MMP1: variants seen among roughly 807,000 people sequenced by gnomAD.
MMP1 encodes interstitial collagenase.
Under a neutral mutation model 49.6 loss-of-function variants are expected in MMP1, and 51 were observed. That is an observed-to-expected ratio of 1.03 (90% confidence interval 0.82 to 1.30). MMP1 has a LOEUF of 1.30. MMP1 is among the 50% of genes most tolerant of loss of function. The pLI is 0.00. For missense variants in MMP1, 623 were observed against 568.7 expected (o/e 1.10, Z -0.97); for synonymous variants, 230 against 196.8 (o/e 1.17, Z -1.41).
At position 102,791,597 on chromosome 11, in the gene MMP1, C is replaced by T. The variant is rs534230569; in HGVS notation, c.1034-102G>A. ...TAGTTTCACATGCTAGTGCAGTACC[C>T]TGGCTGCAGATTAGAATCATCTAGG... On this transcript the variant is annotated intron_variant, in intron 7 of 9. Coordinates refer to ENST00000315274, the MANE Select transcript of MMP1 (RefSeq NM_002421.4). The T allele has an allele frequency of 2.3e-5, 29 of 1,260,366 alleles. No homozygotes were observed. The Admixed American group carries it at 3.8e-4, about 17-fold the overall frequency. The allele number at this position is 1,260,366 out of a possible 1,614,324, so 78.1% of individuals were successfully genotyped here. A position where few individuals can be genotyped will look rare whatever the true frequency, so the allele number is the denominator to read the frequency against.
intron 7 of MMP1, among the ~76,000 whole-genome samples, 162 bp downstream of exon 7, chr11:102,792,443 C>T (rs551375150): frequency 1.4e-4 from 21 of 152,284 alleles, no homozygotes; most frequent in Non-Finnish European, 2.8e-4. Flanking sequence ...AAATGCGCTA[C>T]GCACCGTTTA....
chr11:102,791,338 G>A lies in MMP1; in HGVS notation c.1191C>T (p.Tyr397=), dbSNP rs765392733. Residue 397 remains tyrosine (Y), a synonymous_variant, in exon 8 of 10, where the codon TAC becomes TAT. Transcript: ENST00000315274. ...TTCTCTGCACTTAAACTTACCTCCA[G>A]TATTTGTTAGCAACAAAGAAGTAGG... ...GKTYFFVANK[Y]WRYDEYKRSM... 18 of 1,613,800 alleles carry A rather than the reference G, an allele frequency of 1.1e-5. No homozygotes were observed. Among genetic ancestry groups the A allele is most frequent in the Non-Finnish European group, 1.4e-5 (17 of 1,179,730 alleles).
At chr11:102,795,639 T>G in intron 4 of MMP1, 32 bp from the exon 5 acceptor site, 4 of 1,570,290 alleles carry the variant, frequency 2.5e-6, no homozygotes, top group Non-Finnish European at 3.5e-6. Flanking sequence ...TTTGTAATTA[T>G]TTGAAAGGTA....
At chr11:102,791,022 C>T (rs1858014509) in intron 8 of MMP1, among the ~76,000 whole-genome samples, 1 of 152,224 alleles carries the variant, frequency 6.6e-6, no homozygotes, top group Non-Finnish European at 1.5e-5. Flanking sequence ...CCAGTAGGTT[C>T]TACGCTATGT....
chr11:102,792,841 G>T, intron 6 of MMP1, 103 bp from the exon 7 acceptor site: 1 of 1,073,630 alleles, frequency 9.3e-7, no homozygotes, highest in Non-Finnish European at 1.4e-6. Flanking sequence ...GTGGTGTGCT[G>T]GTAAATGTAT....
rs763801001 is a variant in MMP1 at position 102,792,709 on chromosome 11, G to C, written c.929C>G (p.Pro310Arg). Residue 310 changes from proline (P) to arginine (R), a missense_variant, in exon 7 of 10, where the codon CCG (proline) becomes CGG (arginine). Coordinates refer to ENST00000315274, the MANE Select transcript of MMP1 (RefSeq NM_002421.4). The part of the protein sequence containing the change: ...RFYMRTNPFY[P>R]EVELNFISVF... ...AGAAATGAAATTGAGCTCAACTTCC[G>C]GGTAGAAGGGATTTGTGCGCATGTA... The C allele has an allele frequency of 8.1e-6, 13 of 1,613,500 alleles. No homozygotes were observed. The highest frequency in any genetic ancestry group is 1.1e-5 in the Non-Finnish European group (13 of 1,179,660).
rs1250643399 is a variant in MMP1 at position 102,796,651 on chromosome 11, T to C, written c.625+13A>G. On this transcript the variant is annotated intron_variant, in intron 4 of 9. Coordinates refer to ENST00000315274, the MANE Select transcript of MMP1 (RefSeq NM_002421.4). ...GGTGGGAGAATTGAGAGAGGCAAAT[T>C]TGATTGGCTTACCTCTGAAATTGTT... 5 of 1,610,262 alleles carry C rather than the reference T, an allele frequency of 3.1e-6. No individual in the cohort carries two copies. Among genetic ancestry groups the C allele is most frequent in the Non-Finnish European group, 4.2e-6 (5 of 1,178,618 alleles).
Position 102,795,580 on chromosome 11 carries a change from T to G in MMP1, c.653A>C (p.His218Pro), listed in dbSNP as rs1006224324. The G allele has an allele frequency of 6.2e-7, 1 of 1,613,260 alleles. No homozygotes were observed. The highest frequency in any genetic ancestry group is 1.3e-5 in the African/African-American group (1 of 74,868). The change falls in exon 5 of 10, where the codon CAT becomes CCT. Residue 218 changes from histidine (H) to proline (P), a missense_variant. Transcript: ENST00000315274. The part of the protein sequence containing the change: ...REYNLHRVAA[H>P]ELGHSLGLSH... ...GAGTCCAAGAGAATGGCCGAGTTCA[T>G]GAGCTGCAACACGATGTAAGTTGTA...
At chr11:102,797,598 T>G in intron 1 of MMP1, 98 bp from the exon 2 acceptor site, 1 of 1,451,060 alleles carries the variant, frequency 6.9e-7, no homozygotes, top group Non-Finnish European at 9.3e-7. Context: ...AGAACTGCTT[T>G]TAAACCTTGT....
Position 102,798,065 on chromosome 11 carries a change from G to C in MMP1, c.28C>G (p.Leu10Val). 6.2e-7 allele frequency: 1 copy of C among 1,612,530 alleles called. No individual in the cohort carries two copies. The highest frequency in any genetic ancestry group is 8.5e-7 in the Non-Finnish European group (1 of 1,179,892). The change falls in exon 1 of 10, where the codon CTG becomes GTG. Residue 10 changes from leucine (L) to valine (V), a missense_variant. Leu to Val is a conservative substitution (Grantham distance 32). Coordinates refer to ENST00000315274, the MANE Select transcript of MMP1 (RefSeq NM_002421.4). The part of the protein sequence containing the change: MHSFPPLLL[L>V]LFWGVVSHSF... ...TGAGACACCACACCCCAGAACAGCA[G>C]CAGCAGCAGTGGAGGAAAGCTGTGC...
chr11:102,791,523 A>G (rs1858032577), intron 7 of MMP1, 28 bp from the exon 8 acceptor site: 1 of 1,610,128 alleles, frequency 6.2e-7, no homozygotes, highest in Admixed American at 1.7e-5. Flanking sequence ...GTGATAAAAC[A>G]CTTGCCTAAG....
intron 6 of MMP1, 96 bp from the exon 7 acceptor site, chr11:102,792,834 G>T: frequency 1.7e-6 from 2 of 1,152,450 alleles, no homozygotes; most frequent in East Asian, 2.4e-5. Flanking sequence ...GGCACTAGTG[G>T]TGTGCTGGTA....
intron 6 of MMP1, chr11:102,793,344 C>T (rs1858086619): frequency 6.6e-6 from 1 of 152,216 alleles, no homozygotes; most frequent in South Asian, 2.1e-4. Context: ...GTCTTGAACT[C>T]CTGATCTCAA....
At chr11:102,790,943 G>A in intron 8 of MMP1, 137 bp from the exon 9 acceptor site, 1 of 630,544 alleles carries the variant, frequency 1.6e-6, no homozygotes, top group Non-Finnish European at 2.8e-6. Flanking sequence ...GGGAGTGGAT[G>A]GGATAAGGTG....
intron 5 of MMP1, 28 bp from the exon 6 acceptor site, chr11:102,795,319 GT>G: frequency 6.2e-7 from 1 of 1,609,964 alleles, no homozygotes; most frequent in South Asian, 1.1e-5. Context: ...CCTAGAGTTA[GT>G]TTTGCCTAGT....
intron 4 of MMP1, 63 bp from the exon 5 acceptor site, chr11:102,795,670 C>G (rs1858168248): frequency 7.3e-7 from 1 of 1,366,482 alleles, no homozygotes; most frequent in East Asian, 2.5e-5. Flanking sequence ...AGGCATTTAA[C>G]TAATAAATAA....
intron 4 of MMP1, 92 bp from the exon 5 acceptor site, chr11:102,795,699 C>G: frequency 9.3e-7 from 1 of 1,075,858 alleles, no homozygotes; most frequent in Non-Finnish European, 1.3e-6. Flanking sequence ...TACAAGGACT[C>G]ATGTTACTAT....
intron 6 of MMP1, 111 bp from the exon 7 acceptor site, chr11:102,792,849 T>C (rs1015758258): frequency 1.7e-5 from 17 of 986,324 alleles, no homozygotes; most frequent in Non-Finnish European, 2.5e-5. Flanking sequence ...CTGGTAAATG[T>C]ATAACATTCA....
At chr11:102,792,568 A>G in intron 7 of MMP1, 37 bp downstream of exon 7, 1 of 1,599,046 alleles carries the variant, frequency 6.3e-7, no homozygotes, top group Non-Finnish European at 8.6e-7. Flanking sequence ...TGAAAAATTG[A>G]TTTATTAAAG....
Sources: gnomAD v4.1 joint callset for allele counts (sites outside exome capture counted in the v4.1 genomes callset) on GRCh38, gnomAD v4.1.1 for gene constraint, MANE v1.5 for transcripts, NCBI Gene and HGNC (gene_info 2026-07-23, HGNC 2026-07-21) for gene names.